Variants in POLR3H observed in about 807,000 individuals in gnomAD.
POLR3H encodes RNA polymerase III subunit H, also known as DNA-directed RNA polymerase III subunit RPC8.
Under a neutral mutation model 25.5 loss-of-function variants are expected in POLR3H, and 17 were observed. The observed-to-expected ratio is 0.67, with a 90% confidence interval of 0.46 to 1.00. The LOEUF (loss-of-function observed/expected upper bound fraction) is 1.00, where lower values mean the gene tolerates loss of function less well. Ranked by LOEUF, POLR3H falls within the 50% of genes least tolerant of loss-of-function variation. POLR3H has a pLI of 0.00. For missense variants in POLR3H, 274 were observed against 265.0 expected (o/e 1.03, Z -0.24); for synonymous variants, 129 against 103.0 (o/e 1.25, Z -1.53).
Position 41,527,945 on chromosome 22 carries a change from G to A in POLR3H, c.*1338C>T. ...GGGCCTGCTGCCTCTGACCTTCGCT[G>A]ACCCGGCTGACTACAACAAGATTCA... On this transcript the variant is annotated 3_prime_UTR_variant, in exon 6 of 6. Transcript: ENST00000355209. 6.2e-7 allele frequency: 1 copy of A among 1,614,178 alleles called. No homozygotes were observed. The highest frequency in any genetic ancestry group is 8.5e-7 in the Non-Finnish European group (1 of 1,180,028).
intron 2 of POLR3H, among the ~76,000 whole-genome samples, chr22:41,538,847 G>C (rs2066888302): frequency 6.6e-6 from 1 of 152,204 alleles, no homozygotes; most frequent in Non-Finnish European, 1.5e-5. Context: ...ACAGACACTA[G>C]GCAGTCTCAC....
rs183812898 is a variant in POLR3H at position 41,532,736 on chromosome 22, C to T, written c.218G>A (p.Arg73His). 4.4e-5 allele frequency: 71 copies of T among 1,613,710 alleles called. No individual in the cohort carries two copies. Among genetic ancestry groups the T allele is most frequent in the Non-Finnish European group, 5.7e-5 (67 of 1,179,768 alleles). The change falls in exon 3 of 6, where the codon CGC becomes CAC. Residue 73 changes from arginine to histidine, a missense_variant. By Grantham distance (29) the Arg-to-His change is conservative. Coordinates refer to ENST00000355209, the MANE Select transcript of POLR3H (RefSeq NM_001018050.4). ...DGASHTKVHF[R>H]CVVFHPFLDE... ...TAGGAATGGATGAAACACCACGCAG[C>T]GAAAATGGACTGGAAATGAAGACAG...
chr22:41,527,093 G>T lies in POLR3H; in HGVS notation c.*2190C>A. The T allele has an allele frequency of 1.4e-6, 1 of 739,236 alleles. No individual in the cohort carries two copies. Among genetic ancestry groups the T allele is most frequent in the Non-Finnish European group, 2.2e-6 (1 of 462,958 alleles). The allele number at this position is 739,236 out of a possible 1,614,324, so 45.8% of individuals were successfully genotyped here. On this transcript the variant is annotated 3_prime_UTR_variant, in exon 6 of 6. Coordinates refer to ENST00000355209, the MANE Select transcript of POLR3H (RefSeq NM_001018050.4). ...AACAACCACGTGCCTCTGTCCCCTC[G>T]GGGCCTCGTTTGGGTCTCATTCACG... is the stretch of plus-strand genomic sequence containing the variant.
Position 41,526,694 on chromosome 22 carries a change from G to T in POLR3H, c.*2589C>A. 1 of 475,986 alleles carries T rather than the reference G, an allele frequency of 2.1e-6. No homozygotes were observed. Among genetic ancestry groups the T allele is most frequent in the Non-Finnish European group, 3.7e-6 (1 of 267,354 alleles). The allele number at this position is 475,986 out of a possible 1,614,324, so 29.5% of individuals were successfully genotyped here. ...GAGGAGTTAGTGAGAGATATCTTAG[G>T]ATATCTGGCCCTAGACAAAGACAAG... is the stretch of plus-strand genomic sequence containing the variant. On this transcript the variant is annotated 3_prime_UTR_variant, in exon 6 of 6. Transcript: ENST00000355209.
At chr22:41,543,357 A>C (rs2066960522) in intron 1 of POLR3H, among the ~76,000 whole-genome samples, 2 of 151,938 alleles carry the variant, frequency 1.3e-5, no homozygotes, top group African/African-American at 4.8e-5. Context: ...ACCCGAGGCG[A>C]TGGCGCACAC....
chr22:41,538,791 C>T (rs544619315), intron 2 of POLR3H, among the ~76,000 whole-genome samples: 75 of 152,292 alleles, frequency 4.9e-4, no homozygotes, highest in African/African-American at 1.8e-3. Flanking sequence ...CTCGGCGTAC[C>T]ATGGTAACAT....
chr22:41,532,678 G>A lies in POLR3H; in HGVS notation c.276C>T (p.Cys92=), dbSNP rs767101700. Reference sequence around the variant, plus strand: ...TGTTACCGTGCACTCCTTCTGGGCTGCAGCCTTTGATCTTCCCAATGAGAA... The same window carrying A: ...TGTTACCGTGCACTCCTTCTGGGCTACAGCCTTTGATCTTCCCAATGAGAA... ...DEILIGKIKG[C]SPEGVHVSLG... is the part of the protein sequence containing the mutation. Residue 92 remains cysteine, a synonymous_variant, in exon 3 of 6, where the codon TGC becomes TGT. Coordinates refer to ENST00000355209, the MANE Select transcript of POLR3H (RefSeq NM_001018050.4). 6.2e-7 allele frequency: 1 copy of A among 1,614,056 alleles called. No homozygotes were observed. Among genetic ancestry groups the A allele is most frequent in the Non-Finnish European group, 8.5e-7 (1 of 1,179,928 alleles).
chr22:41,537,668 G>A (rs1314305366), intron 2 of POLR3H, among the ~76,000 whole-genome samples: 1 of 152,184 alleles, frequency 6.6e-6, no homozygotes, highest in Admixed American at 6.5e-5. Context: ...ACCAGAGCCA[G>A]AATTAATTCA....
intron 2 of POLR3H, 110 bp from the exon 3 acceptor site, chr22:41,532,855 A>AT: frequency 8.5e-7 from 1 of 1,178,460 alleles, no homozygotes; most frequent in Non-Finnish European, 1.2e-6. Context: ...TCCATGCCAC[A>AT]TCCCCCTGCA....
In POLR3H at chr22:41,528,316, CACCTGGGTCTG is replaced by C. The variant is rs1481938670; in HGVS notation, c.*956_*966del. On this transcript the variant is annotated 3_prime_UTR_variant, in exon 6 of 6. Coordinates refer to ENST00000355209, the MANE Select transcript of POLR3H (RefSeq NM_001018050.4). Reference sequence around the variant, plus strand: ...GGCCCCAGGAATCCCCTGTAGGTGCCACCTGGGTCTGACCTGGGCCATCAGGCACAGACTGG... The same window carrying C: ...GGCCCCAGGAATCCCCTGTAGGTGCCACCTGGGCCATCAGGCACAGACTGG... The C allele has an allele frequency of 4.7e-6, 5 of 1,057,142 alleles. No homozygotes were observed. Among genetic ancestry groups the C allele is most frequent in the East Asian group, 5.2e-5 (2 of 38,462 alleles). 65.5% of individuals were successfully genotyped at this position (1,057,142 alleles called of 1,614,324 possible).
intron 3 of POLR3H, among the ~76,000 whole-genome samples, chr22:41,532,416 C>T (rs1239859465): frequency 6.6e-6 from 1 of 152,212 alleles, no homozygotes; most frequent in African/African-American, 2.4e-5. Flanking sequence ...TAAAGACTCC[C>T]AGTCACTTCC....
In POLR3H at chr22:41,527,270, C is replaced by A; in HGVS notation, c.*2013G>T. 3 of 1,614,130 alleles carry A rather than the reference C, an allele frequency of 1.9e-6. No individual in the cohort carries two copies. The highest frequency in any genetic ancestry group is 1.7e-5 in the Admixed American group (1 of 60,030). On this transcript the variant is annotated 3_prime_UTR_variant, in exon 6 of 6. Coordinates refer to ENST00000355209, the MANE Select transcript of POLR3H (RefSeq NM_001018050.4). The stretch of plus-strand genomic sequence containing the variant: ...TGCCCTCCTCTGCCTTATAACCTTA[C>A]CCCCGCTTGCCTGACAGAAACATGG...
rs2066982517 is a variant in POLR3H, at chr22:41,544,254, C to CCGGGCCATGCTCCGCTA, written c.-170_-154dup. On this transcript the variant is annotated 5_prime_UTR_variant, in exon 1 of 6. The change creates a new upstream start codon in the 5' untranslated region. Coordinates refer to ENST00000355209, the MANE Select transcript of POLR3H (RefSeq NM_001018050.4). ...CACGGGGCGGTCTCGGGGGCCCGGT[C>CCGGGCCATGCTCCGCTA]CGGGCCATGCTCCGCTACTACAACA... The CCGGGCCATGCTCCGCTA allele has an allele frequency of 1.7e-6, 1 of 591,436 alleles. No homozygotes were observed. The allele number at this position is 591,436 out of a possible 1,614,324, so 36.6% of individuals were successfully genotyped here.
chr22:41,542,216 C>T (rs1412036174), intron 1 of POLR3H, among the ~76,000 whole-genome samples: 3 of 151,996 alleles, frequency 2.0e-5, no homozygotes, highest in East Asian at 1.9e-4. Flanking sequence ...CCCAAGTAGC[C>T]GGGATTACAG....
At position 41,527,076 on chromosome 22, in the gene POLR3H, C is replaced by G. The variant is rs908911590; in HGVS notation, c.*2207G>C. 5 of 656,710 alleles carry G rather than the reference C, an allele frequency of 7.6e-6. No individual in the cohort carries two copies. Among genetic ancestry groups the G allele is most frequent in the African/African-American group, 7.3e-5 (4 of 54,714 alleles). 40.7% of individuals were successfully genotyped at this position (656,710 alleles called of 1,614,324 possible). ...TCTTCTTTGCCACTGCAAACAACCA[C>G]GTGCCTCTGTCCCCTCGGGGCCTCG... On this transcript the variant is annotated 3_prime_UTR_variant, in exon 6 of 6. Coordinates refer to ENST00000355209, the MANE Select transcript of POLR3H (RefSeq NM_001018050.4).
At position 41,528,435 on chromosome 22, in the gene POLR3H, C is replaced by G; in HGVS notation, c.*848G>C. The G allele has an allele frequency of 6.2e-7, 1 of 1,604,378 alleles. No homozygotes were observed. On this transcript the variant is annotated 3_prime_UTR_variant, in exon 6 of 6. Transcript: ENST00000355209. ...TGACCCCCCTGCGGGGCCAAGGGCA[C>G]ACAGTACCCACCACTTCCACCCACA...
At chr22:41,532,245 C>G in intron 3 of POLR3H, 88 bp from the exon 4 acceptor site, 2 of 1,269,966 alleles carry the variant, frequency 1.6e-6, no homozygotes, top group Non-Finnish European at 2.3e-6. Flanking sequence ...CAGGCAAGCC[C>G]TGCCTGGGGC....
chr22:41,543,591 A>C (rs1165269374), intron 1 of POLR3H, among the ~76,000 whole-genome samples: 1 of 152,222 alleles, frequency 6.6e-6, no homozygotes, highest in Admixed American at 6.5e-5. Context: ...ACTGCACTCC[A>C]GCCTGGACGA....
At chr22:41,538,936 A>C (rs574964034) in intron 2 of POLR3H, among the ~76,000 whole-genome samples, 12 of 152,264 alleles carry the variant, frequency 7.9e-5, no homozygotes, top group Admixed American at 3.9e-4. Flanking sequence ...ATCCAACATG[A>C]GCTCGTGTGA....
Sources: allele counts gnomAD v4.1 joint callset (sites outside exome capture counted in the v4.1 genomes callset), GRCh38; gene constraint gnomAD v4.1.1; transcripts MANE v1.5; gene names NCBI Gene and HGNC (gene_info 2026-07-23, HGNC 2026-07-21).